Variants in TULP4 observed in about 807,000 individuals in gnomAD.
TULP4 encodes the protein TUB like protein 4.
TULP4 carries 16 observed loss-of-function variants against 129.0 expected under a neutral mutation model. The ratio of observed to expected loss-of-function variants is 0.12; its 90% CI spans 0.08 to 0.19. The LOEUF (loss-of-function observed/expected upper bound fraction) is 0.19. Ranked by LOEUF, TULP4 falls within the 10% of genes least tolerant of loss-of-function variation. TULP4 has a pLI of 1.00. For missense variants in TULP4, 1,842 were observed against 2,059.1 expected, an observed-to-expected ratio of 0.89 and a Z score of 2.04; for synonymous variants, 998 against 854.0, an observed-to-expected ratio of 1.17 and a Z score of -2.94.
chr6:158,291,359 C>CTATTTCATTGA (rs1437084042), intron 1 of TULP4, among the ~76,000 whole-genome samples: 1 of 152,194 alleles, frequency 6.6e-6, no homozygotes, highest in Non-Finnish European at 1.5e-5. Flanking sequence ...TTTGAAGATA[C>CTATTTCATTGA]TATTTCATTG....
intron 1 of TULP4, among the ~76,000 whole-genome samples, chr6:158,348,173 G>GTTTTTTTTTTTTTTTTTTTTTT (rs34217788): frequency 4.5e-5 from 5 of 112,172 alleles, no homozygotes; most frequent in African/African-American, 1.1e-4. Flanking sequence ...TTTTTTTAAG[G>GTTTTTTTTTTTTTTTTTTTTTT]TTTTTTTTTT....
intron 11 of TULP4, among the ~76,000 whole-genome samples, chr6:158,497,551 T>C (rs1232783254): frequency 2.6e-5 from 4 of 152,242 alleles, no homozygotes; most frequent in African/African-American, 9.6e-5. Flanking sequence ...GATGGTATTT[T>C]TCTAATCCCT....
chr6:158,259,241 T>C (rs1350384637), intron 1 of TULP4, among the ~76,000 whole-genome samples: 1 of 152,224 alleles, frequency 6.6e-6, no homozygotes, highest in East Asian at 1.9e-4. Flanking sequence ...TAAAATCTAC[T>C]AATTTCATAT....
chr6:158,493,630 C>T lies in TULP4; in HGVS notation c.1689C>T (p.Ser563=), dbSNP rs202241360. 145 of 1,599,306 alleles carry T rather than the reference C, an allele frequency of 9.1e-5. No individual in the cohort carries two copies. In the East Asian group the frequency reaches 2.5e-3, roughly 27 times the overall value. The change falls in exon 10 of 14, where the codon TCC becomes TCT. Residue 563 remains serine (S), a synonymous_variant. Transcript: ENST00000367097. The surrounding 1 kb of genome is among the most constrained non-coding windows in gnomAD (Gnocchi z 4.4). ...PKLPRAAQEL[S]RSPRLPLRKP... ...TGCCCCGGGCTGCTCAGGAGCTCTC[C>T]CGGTCCCCACGGTTGCCCCTGCGCA...
chr6:158,267,747 G>A (rs1778472814), intron 1 of TULP4, among the ~76,000 whole-genome samples: 1 of 152,176 alleles, frequency 6.6e-6, no homozygotes, highest in African/African-American at 2.4e-5. Flanking sequence ...AAGAAGGCCT[G>A]CCAAGGTCAG....
intron 5 of TULP4, among the ~76,000 whole-genome samples, chr6:158,459,800 A>ATGT (rs1665515418): frequency 6.6e-6 from 1 of 152,140 alleles, no homozygotes. Flanking sequence ...ATGACTGTTT[A>ATGT]TGTTAGTGCC....
intron 3 of TULP4, among the ~76,000 whole-genome samples, chr6:158,443,951 G>A (rs192442542): frequency 3.4e-4 from 51 of 152,198 alleles, no homozygotes; most frequent in Middle Eastern, 3.4e-3. Context: ...CGGGTGCGGT[G>A]GCTCACGCCT....
intron 1 of TULP4, among the ~76,000 whole-genome samples, chr6:158,336,844 TC>T (rs1780045769): frequency 6.6e-6 from 1 of 152,126 alleles, no homozygotes; most frequent in Admixed American, 6.5e-5. Context: ...CCAATTCACT[TC>T]TTTTTTTTAA....
intron 1 of TULP4, among the ~76,000 whole-genome samples, chr6:158,383,530 A>G (rs1777374732): frequency 6.6e-6 from 1 of 152,214 alleles, no homozygotes; most frequent in Non-Finnish European, 1.5e-5. Context: ...AACTATAAGG[A>G]GATGAACCTT....
chr6:158,346,185 A>G (rs528831760), intron 1 of TULP4, among the ~76,000 whole-genome samples: 91 of 152,304 alleles, frequency 6.0e-4, no homozygotes, highest in Non-Finnish European at 1.1e-3. Flanking sequence ...TTTACAATCA[A>G]TTTGTACAGT....
chr6:158,405,699 T>G (rs947479538), intron 1 of TULP4, among the ~76,000 whole-genome samples: 3 of 152,070 alleles, frequency 2.0e-5, no homozygotes, highest in Non-Finnish European at 4.4e-5. Flanking sequence ...GGGCTGAGAT[T>G]ATGGTGCGTC....
intron 1 of TULP4, among the ~76,000 whole-genome samples, chr6:158,326,474 C>G (rs1173853806): frequency 6.6e-6 from 1 of 152,184 alleles, no homozygotes; most frequent in African/African-American, 2.4e-5. Flanking sequence ...TCTTTGCCCC[C>G]TATTTATTCC....
chr6:158,398,908 C>T (rs989262259), intron 1 of TULP4, among the ~76,000 whole-genome samples: 25 of 152,132 alleles, frequency 1.6e-4, no homozygotes, highest in African/African-American at 5.3e-4. Context: ...GTCTGAGGTG[C>T]GGGTTATTTT....
chr6:158,395,355 C>T (rs1475853542), intron 1 of TULP4, among the ~76,000 whole-genome samples: 3 of 151,728 alleles, frequency 2.0e-5, no homozygotes, highest in African/African-American at 4.8e-5. Flanking sequence ...CTGAGGCAGG[C>T]GGATCACCTA....
chr6:158,267,744 C>T (rs186475687), intron 1 of TULP4, among the ~76,000 whole-genome samples: 10 of 152,278 alleles, frequency 6.6e-5, no homozygotes, highest in Admixed American at 5.2e-4. Flanking sequence ...TGCAAGAAGG[C>T]CTGCCAAGGT....
intron 1 of TULP4, among the ~76,000 whole-genome samples, chr6:158,364,672 C>G (rs2114847922): frequency 6.6e-6 from 1 of 152,258 alleles, no homozygotes; most frequent in Non-Finnish European, 1.5e-5. Flanking sequence ...TGCTAGTTTT[C>G]AAGGTTTTCT....
chr6:158,294,871 A>G (rs1347015564), intron 1 of TULP4, among the ~76,000 whole-genome samples: 1 of 152,140 alleles, frequency 6.6e-6, no homozygotes, highest in African/African-American at 2.4e-5. Flanking sequence ...AGCCGGGACT[A>G]CAGTCATATG....
At chr6:158,479,466 A>G (rs536673470) in intron 6 of TULP4, among the ~76,000 whole-genome samples, 2 of 152,224 alleles carry the variant, frequency 1.3e-5, no homozygotes, top group African/African-American at 4.8e-5. Flanking sequence ...ATCTCGCTGT[A>G]TTGCCCAGGC....
intron 3 of TULP4, among the ~76,000 whole-genome samples, chr6:158,445,334 A>C (rs903599145): frequency 2.0e-5 from 3 of 152,302 alleles, no homozygotes; most frequent in African/African-American, 7.2e-5. Flanking sequence ...AGAAATGTAC[A>C]TGATTCATCC....
Sources: gnomAD v4.1 joint callset for allele counts (sites outside exome capture counted in the v4.1 genomes callset) on GRCh38, gnomAD v4.1.1 for gene constraint, Gnocchi (gnomAD v3.1) non-coding constraint, MANE v1.5 for transcripts, NCBI Gene and HGNC (gene_info 2026-07-23, HGNC 2026-07-21) for gene names.